The following CACNA2D2 variants were observed in gnomAD, a reference collection of about 807,000 sequenced individuals.
CACNA2D2 encodes the protein voltage-dependent calcium channel subunit alpha-2/delta-2.
A neutral mutation model predicts 166.4 loss-of-function variants in CACNA2D2; 48 were observed. The observed-to-expected ratio is 0.29, with a 90% CI of 0.23 to 0.37. The LOEUF (loss-of-function observed/expected upper bound fraction) is 0.37, where lower values mean the gene tolerates loss of function less well. Ranked by LOEUF, CACNA2D2 falls within the 10% of genes least tolerant of loss-of-function variation. The pLI is 1.00. For synonymous variants in CACNA2D2, 561 were observed against 573.7 expected, an observed-to-expected ratio of 0.98 and a Z score of 0.32; for missense variants, 1,122 against 1,433.0, an observed-to-expected ratio of 0.78 and a Z score of 3.50.
chr3:50,386,912 T>C (rs942401570), intron 5 of CACNA2D2, among the ~76,000 whole-genome samples: 1 of 152,126 alleles, frequency 6.6e-6, no homozygotes, highest in Non-Finnish European at 1.5e-5. Flanking sequence ...CCTCAGACAC[T>C]CGTCTTCTCT....
At chr3:50,459,015 G>A (rs1256234337) in intron 2 of CACNA2D2, among the ~76,000 whole-genome samples, 5 of 152,264 alleles carry the variant, frequency 3.3e-5, no homozygotes, top group African/African-American at 4.8e-5. Flanking sequence ...GCAGGGGACA[G>A]GGCCAGAGCT....
chr3:50,403,233 G>A (rs892890930), intron 3 of CACNA2D2, among the ~76,000 whole-genome samples: 3 of 152,050 alleles, frequency 2.0e-5, no homozygotes, highest in African/African-American at 4.8e-5. Context: ...CATAGACAGC[G>A]AACGGGATGG....
rs201739494 is a variant in CACNA2D2, at chr3:50,367,924, G to T, written c.2144-22C>A. On this transcript the variant is annotated intron_variant, in intron 24 of 37. Coordinates refer to ENST00000424201, the MANE Select transcript of CACNA2D2 (RefSeq NM_006030.4). This position sits in a 1 kb window ranked among gnomAD's most constrained non-coding sequence, Gnocchi z 6.5. ...TTGCCTGGAACAGGAGGGGAGGGGT[G>T]GGGGTGGGGGCATCTTCTTGCAGCT... is the stretch of plus-strand genomic sequence containing the variant. 12 of 1,432,080 alleles carry T rather than the reference G, an allele frequency of 8.4e-6. No individual in the cohort carries two copies. The Admixed American group carries it at 1.1e-4, about 13-fold the overall frequency. The allele number at this position is 1,432,080 out of a possible 1,614,324, so 88.7% of individuals were successfully genotyped here.
At chr3:50,436,618 C>T (rs2106902324) in intron 2 of CACNA2D2, among the ~76,000 whole-genome samples, 2 of 152,364 alleles carry the variant, frequency 1.3e-5, no homozygotes, top group South Asian at 4.1e-4. Context: ...AATGAGAGAA[C>T]AGTAGTACCC....
intron 2 of CACNA2D2, among the ~76,000 whole-genome samples, chr3:50,441,295 C>T (rs1412874353): frequency 6.6e-6 from 1 of 152,160 alleles, no homozygotes; most frequent in African/African-American, 2.4e-5. Flanking sequence ...AGCAACGCCT[C>T]CCTGTTTTTA....
At chr3:50,449,446 C>G (rs1380026335) in intron 2 of CACNA2D2, among the ~76,000 whole-genome samples, 1 of 152,204 alleles carries the variant, frequency 6.6e-6, no homozygotes, top group Non-Finnish European at 1.5e-5. Flanking sequence ...CCATAGCACT[C>G]CTTAGGCTCA....
Position 50,380,699 on chromosome 3 carries a change from G to A in CACNA2D2, c.842+49C>T. The A allele has an allele frequency of 7.1e-7, 1 of 1,400,328 alleles. No homozygotes were observed. Among genetic ancestry groups the A allele is most frequent in the Non-Finnish European group, 9.5e-7 (1 of 1,049,858 alleles). The allele number at this position is 1,400,328 out of a possible 1,614,324, so 86.7% of individuals were successfully genotyped here. A position where few individuals can be genotyped will look rare whatever the true frequency, so the allele number is the denominator to read the frequency against. On this transcript the variant is annotated intron_variant, in intron 8 of 37. Transcript: ENST00000424201. The surrounding 1 kb of genome is among the most constrained non-coding windows in gnomAD (Gnocchi z 4.9). ...GGAGGGAGGGGAGCAGGCAGGAAAGGTGGGGAACTGAGGGGGTGTCCCTCC... is the reference window on the plus strand; with the variant it reads ...GGAGGGAGGGGAGCAGGCAGGAAAGATGGGGAACTGAGGGGGTGTCCCTCC...
intron 23 of CACNA2D2, among the ~76,000 whole-genome samples, chr3:50,369,846 C>T (rs916820811): frequency 3.9e-5 from 6 of 152,270 alleles, no homozygotes; most frequent in Non-Finnish European, 2.9e-5. Flanking sequence ...TGAAGTACCA[C>T]GCCTAGACCC....
chr3:50,492,830 TGGA>T (rs1427060188), intron 1 of CACNA2D2, among the ~76,000 whole-genome samples: 1 of 151,498 alleles, frequency 6.6e-6, no homozygotes, highest in Non-Finnish European at 1.5e-5. Flanking sequence ...AGGGGTTGCC[TGGA>T]GGAGGTGAGA....
intron 3 of CACNA2D2, among the ~76,000 whole-genome samples, chr3:50,407,739 G>C (rs1706793984): frequency 6.6e-6 from 1 of 152,214 alleles, no homozygotes; most frequent in Admixed American, 6.5e-5. Flanking sequence ...AGCATCCAAG[G>C]CTGTCTCAAA....
chr3:50,382,104 C>T (rs1475440747), intron 6 of CACNA2D2, among the ~76,000 whole-genome samples: 2 of 152,098 alleles, frequency 1.3e-5, no homozygotes, highest in Non-Finnish European at 2.9e-5. Context: ...TTGAGCAGTA[C>T]CCTCGACCCC....
rs1706919574 is a variant in CACNA2D2, at chr3:50,410,007, A to C, written c.406-15839T>G. Among the ~76,000 whole-genome samples, 5 of 152,136 alleles carry C rather than the reference A, an allele frequency of 3.3e-5. No individual in the cohort carries two copies. In the South Asian group the frequency reaches 1.0e-3, roughly 31 times the overall value. ...AGGAGGCAGGAGGGGTCCTTGAAGA[A>C]GGCAGGGAGTTGTATACACTCCCCA... On this transcript the variant is annotated intron_variant, in intron 3 of 37. Coordinates refer to ENST00000424201, the MANE Select transcript of CACNA2D2 (RefSeq NM_006030.4).
chr3:50,456,578 G>A (rs1709368944), intron 2 of CACNA2D2, among the ~76,000 whole-genome samples: 1 of 152,244 alleles, frequency 6.6e-6, no homozygotes, highest in South Asian at 2.1e-4. Flanking sequence ...CAGAACGACC[G>A]TTGTCTCCAG....
intron 2 of CACNA2D2, among the ~76,000 whole-genome samples, chr3:50,468,681 C>A (rs1559978847): frequency 1.3e-5 from 2 of 152,008 alleles, no homozygotes; most frequent in Admixed American, 6.6e-5. Flanking sequence ...GAGATTCCAC[C>A]CTCAAGAACC....
chr3:50,497,016 G>A (rs898473922), intron 1 of CACNA2D2, among the ~76,000 whole-genome samples: 7 of 152,172 alleles, frequency 4.6e-5, no homozygotes, highest in African/African-American at 7.2e-5. Context: ...AGCAGGAAAG[G>A]CTTCCCATGC....
chr3:50,462,166 A>G (rs574174638), intron 2 of CACNA2D2, among the ~76,000 whole-genome samples: 1 of 152,180 alleles, frequency 6.6e-6, no homozygotes, highest in Admixed American at 6.5e-5. Context: ...GGGGAAGTGG[A>G]TCACTTGAAG....
chr3:50,389,452 A>T (rs1450142186), intron 4 of CACNA2D2, among the ~76,000 whole-genome samples: 3 of 152,212 alleles, frequency 2.0e-5, no homozygotes, highest in Non-Finnish European at 4.4e-5. Flanking sequence ...GGAGGACTGC[A>T]GATTACAACC....
At chr3:50,472,783 A>AC (rs1016682599) in intron 2 of CACNA2D2, among the ~76,000 whole-genome samples, 33 of 150,718 alleles carry the variant, frequency 2.2e-4, no homozygotes, top group African/African-American at 7.6e-4. Flanking sequence ...TTCCCCATGC[A>AC]CCCCCAGGCA....
intron 3 of CACNA2D2, among the ~76,000 whole-genome samples, chr3:50,399,605 C>T (rs1370116275): frequency 6.6e-6 from 1 of 152,106 alleles, no homozygotes; most frequent in Non-Finnish European, 1.5e-5. Flanking sequence ...TGCTGCCTCC[C>T]CAGCAAGACT....
Sources: allele counts gnomAD v4.1 joint callset (sites outside exome capture counted in the v4.1 genomes callset), GRCh38; gene constraint gnomAD v4.1.1; non-coding constraint Gnocchi (gnomAD v3.1); transcripts MANE v1.5; gene names NCBI Gene and HGNC (gene_info 2026-07-23, HGNC 2026-07-21).